Variants in IL1RAPL2 observed in about 807,000 individuals in gnomAD.
IL1RAPL2 encodes X-linked interleukin-1 receptor accessory protein-like 2.
Under a neutral mutation model 44.1 loss-of-function variants are expected in IL1RAPL2, and 3 were observed. The observed-to-expected ratio is 0.07, with a 90% CI of 0.03 to 0.18. IL1RAPL2 has a LOEUF of 0.18. Among genes scored for constraint, IL1RAPL2 ranks in the 10% least tolerant of loss-of-function variants. IL1RAPL2 has a pLI of 1.00. For missense variants in IL1RAPL2, 391 were observed against 496.4 expected (o/e 0.79, Z 2.02); for synonymous variants, 181 against 178.8 (o/e 1.01, Z -0.10).
At chrX:104,574,046 A>G (rs1928198680) in intron 1 of IL1RAPL2, among the ~76,000 whole-genome samples, 1 of 111,838 alleles carries the variant, frequency 8.9e-6, no homozygotes, top group African/African-American at 3.2e-5. Context: ...AATCTATATA[A>G]TTACAATTTA....
chrX:104,942,800 G>T (rs1438354939), intron 2 of IL1RAPL2, among the ~76,000 whole-genome samples: 2 of 111,356 alleles, frequency 1.8e-5, no homozygotes, highest in African/African-American at 3.3e-5. Flanking sequence ...CTTCCAGTTT[G>T]TGCCTATTCA....
At chrX:105,640,519 G>A (rs1012088194) in intron 6 of IL1RAPL2, among the ~76,000 whole-genome samples, 10 of 107,140 alleles carry the variant, frequency 9.3e-5, no homozygotes, top group Non-Finnish European at 1.5e-4. Flanking sequence ...TGTTGAGATC[G>A]TTTGTTTTCA....
intron 2 of IL1RAPL2, among the ~76,000 whole-genome samples, chrX:104,888,506 C>T (rs1923322768): frequency 9.0e-6 from 1 of 111,223 alleles, no homozygotes; most frequent in African/African-American, 3.3e-5. Flanking sequence ...TCCAGAGCAC[C>T]AGTTTTACCT....
intron 2 of IL1RAPL2, among the ~76,000 whole-genome samples, chrX:104,893,558 T>C (rs1339251248): frequency 9.0e-6 from 1 of 111,723 alleles, no homozygotes; most frequent in East Asian, 2.8e-4. Flanking sequence ...TCTTTGTCTC[T>C]TTTGATCTTT....
intron 2 of IL1RAPL2, among the ~76,000 whole-genome samples, chrX:104,861,204 C>T (rs1190790313): frequency 8.9e-6 from 1 of 111,774 alleles, no homozygotes; most frequent in East Asian, 2.8e-4. Context: ...TTTTTGTTGT[C>T]CTTTTTAGCA....
chrX:105,484,603 G>A lies in IL1RAPL2; in HGVS notation c.772+216G>A, dbSNP rs759138624. 2.7e-5 allele frequency among the ~76,000 whole-genome samples: 3 copies of A among 112,133 alleles called. No homozygotes were observed. In the South Asian group the frequency reaches 1.1e-3, roughly 41 times the overall value. ...TGGTAATACTAATTAGTTACACTGG[G>A]TATTAAGTGTGCTGTATGACAGAGC... On this transcript the variant is annotated intron_variant, in intron 6 of 10. Transcript: ENST00000372582.
chrX:104,879,365 T>TAAAAAAAAAAAAAAAAAAAAAAAAA lies in IL1RAPL2; in HGVS notation c.82+220389_82+220390insAAAAAAAAAAAAAAAAAAAAAAAAA, dbSNP rs753494292. On this transcript the variant is annotated intron_variant, in intron 2 of 10. Transcript: ENST00000372582. ...TGTAAAAGAGACCAAGCAAAACTAG[T>TAAAAAAAAAAAAAAAAAAAAAAAAA]AAAAAAAAAAAAAAAAAAAGAGTGC... is the stretch of plus-strand genomic sequence containing the variant. Among the ~76,000 whole-genome samples, 20 of 31,001 alleles carry TAAAAAAAAAAAAAAAAAAAAAAAAA rather than the reference T, an allele frequency of 6.5e-4. 1 individual carries two copies. The highest frequency in any genetic ancestry group is 3.5e-3 in the African/African-American group (19 of 5,361). 26.9% of individuals were successfully genotyped at this position (31,001 alleles called of 115,157 possible).
At chrX:104,674,024 T>A (rs763373695) in intron 2 of IL1RAPL2, among the ~76,000 whole-genome samples, 3 of 111,459 alleles carry the variant, frequency 2.7e-5, no homozygotes, top group African/African-American at 9.8e-5. Context: ...TTTCTAGATA[T>A]ACAATCATGT....
chrX:105,170,542 A>G (rs368939307), intron 2 of IL1RAPL2, among the ~76,000 whole-genome samples: 3 of 111,676 alleles, frequency 2.7e-5, no homozygotes, highest in Non-Finnish European at 3.8e-5. Context: ...ATTAAATACA[A>G]TGACCCCATG....
At chrX:105,433,572 C>T (rs759672333) in intron 5 of IL1RAPL2, among the ~76,000 whole-genome samples, 1 of 111,496 alleles carries the variant, frequency 9.0e-6, no homozygotes, top group East Asian at 2.8e-4. Context: ...TACCCTATTC[C>T]TTTACATATT....
chrX:105,147,676 A>G (rs2033191104), intron 2 of IL1RAPL2, among the ~76,000 whole-genome samples: 1 of 111,622 alleles, frequency 9.0e-6, no homozygotes, highest in South Asian at 3.7e-4. Flanking sequence ...ATTCCTTTTT[A>G]TGGCTGATAA....
chrX:105,766,054 C>T (rs928133568), intron 10 of IL1RAPL2, among the ~76,000 whole-genome samples: 8 of 112,339 alleles, frequency 7.1e-5, no homozygotes, highest in Non-Finnish European at 7.5e-5. Flanking sequence ...CTTTGGGAAG[C>T]ATGATTCCAA....
At chrX:105,570,093 A>C (rs2037003788) in intron 6 of IL1RAPL2, among the ~76,000 whole-genome samples, 1 of 111,174 alleles carries the variant, frequency 9.0e-6, no homozygotes, top group Non-Finnish European at 1.9e-5. Flanking sequence ...ACTGTACCCA[A>C]CTTGTAGTCT....
chrX:105,312,198 G>A (rs773076695), intron 5 of IL1RAPL2, among the ~76,000 whole-genome samples: 20 of 111,655 alleles, frequency 1.8e-4, no homozygotes, highest in African/African-American at 6.5e-4. Flanking sequence ...ATGGATTATG[G>A]AATGGATGGA....
intron 6 of IL1RAPL2, among the ~76,000 whole-genome samples, chrX:105,690,542 AAG>A (rs925108918): frequency 8.9e-6 from 1 of 111,830 alleles, no homozygotes; most frequent in African/African-American, 3.2e-5. Flanking sequence ...GTCTTTTATT[AAG>A]CCAAAATATT....
intron 2 of IL1RAPL2, among the ~76,000 whole-genome samples, chrX:104,978,363 G>A (rs2030375593): frequency 9.0e-6 from 1 of 111,465 alleles, no homozygotes; most frequent in Admixed American, 9.5e-5. Flanking sequence ...TATGTCTCAT[G>A]GGTGTTCATT....
intron 2 of IL1RAPL2, among the ~76,000 whole-genome samples, chrX:105,184,084 TC>T (rs781893155): frequency 7.2e-5 from 8 of 111,542 alleles, no homozygotes; most frequent in Non-Finnish European, 1.3e-4. Context: ...ACTGCTGGGG[TC>T]ACTCACTTAC....
chrX:105,171,451 G>A (rs1569396960), intron 2 of IL1RAPL2, among the ~76,000 whole-genome samples: 1 of 110,762 alleles, frequency 9.0e-6, no homozygotes, highest in African/African-American at 3.3e-5. Context: ...CCCGTTCAAG[G>A]CCAGCTTGCT....
intron 1 of IL1RAPL2, among the ~76,000 whole-genome samples, chrX:104,636,859 C>T (rs1402658353): frequency 8.9e-6 from 1 of 111,879 alleles, no homozygotes; most frequent in Admixed American, 9.4e-5. Flanking sequence ...CCTGCACCCA[C>T]TTTCTGACAC....
Sources: gnomAD v4.1 joint callset for allele counts (sites outside exome capture counted in the v4.1 genomes callset) on GRCh38, gnomAD v4.1.1 for gene constraint, MANE v1.5 for transcripts, NCBI Gene and HGNC (gene_info 2026-07-23, HGNC 2026-07-21) for gene names.